PVALB: variants seen among roughly 807,000 people sequenced by gnomAD.
The protein encoded by PVALB is parvalbumin alpha.
Under a neutral mutation model 10.9 loss-of-function variants are expected in PVALB, and 11 were observed. That is an observed-to-expected ratio of 1.01 (90% CI 0.63 to 1.67). PVALB has a LOEUF of 1.67. PVALB is among the 40% of genes most tolerant of loss of function. The pLI is 0.00. For missense variants in PVALB, 131 were observed against 136.2 expected (o/e 0.96, Z 0.19); for synonymous variants, 57 against 50.7 (o/e 1.12, Z -0.53).
chr22:36,808,881 A>T (rs1939004165), intron 3 of PVALB, among the ~76,000 whole-genome samples: 2 of 152,144 alleles, frequency 1.3e-5, no homozygotes. Flanking sequence ...TTCAGCCTTA[A>T]GCCCTCCCCA....
chr22:36,815,705 A>G (rs1236131955), intron 1 of PVALB, among the ~76,000 whole-genome samples: 1 of 152,162 alleles, frequency 6.6e-6, no homozygotes, highest in Admixed American at 6.5e-5. Flanking sequence ...AAATTGACAT[A>G]GAAAGGACAG....
chr22:36,815,464 G>A, intron 1 of PVALB: 1 of 563,046 alleles, frequency 1.8e-6, no homozygotes, highest in Non-Finnish European at 3.1e-6. Context: ...AGACCTCCCT[G>A]GCTCTCAAGC....
At chr22:36,803,605 G>T (rs80142403) in intron 3 of PVALB, among the ~76,000 whole-genome samples, 1 of 150,796 alleles carries the variant, frequency 6.6e-6, no homozygotes. Flanking sequence ...TGGATGGAGG[G>T]ATGAGGAATG....
rs1276168803 is a variant in PVALB at position 36,800,887 on chromosome 22, T to A, written c.*3A>T. ...GTGGAAGACCAGGGGCAGTCAGTGCTTCTTAGCTTTCAGCCACCAGAGTGG... is the reference window on the plus strand; with the variant it reads ...GTGGAAGACCAGGGGCAGTCAGTGCATCTTAGCTTTCAGCCACCAGAGTGG... On this transcript the variant is annotated 3_prime_UTR_variant, in exon 4 of 4. Transcript: ENST00000417718. 2 of 1,610,340 alleles carry A rather than the reference T, an allele frequency of 1.2e-6. No homozygotes were observed. The highest frequency in any genetic ancestry group is 2.7e-5 in the African/African-American group (2 of 74,846).
upstream of PVALB, among the ~76,000 whole-genome samples, chr22:36,818,009 C>T (rs955007299): frequency 1.1e-4 from 16 of 152,252 alleles, no homozygotes; most frequent in African/African-American, 3.6e-4. Context: ...GTCACGGTGC[C>T]TATCTGTATG....
chr22:36,805,445 A>G (rs1938934724), intron 3 of PVALB, among the ~76,000 whole-genome samples: 1 of 152,248 alleles, frequency 6.6e-6, no homozygotes, highest in Non-Finnish European at 1.5e-5. Context: ...GCCCGGCAGA[A>G]GCAGGAGGCT....
At chr22:36,805,352 T>A (rs1938933117) in intron 3 of PVALB, among the ~76,000 whole-genome samples, 1 of 152,190 alleles carries the variant, frequency 6.6e-6, no homozygotes, top group African/African-American at 2.4e-5. Flanking sequence ...CATAGCAAGC[T>A]CTCGGTATCT....
intron 3 of PVALB, among the ~76,000 whole-genome samples, chr22:36,802,108 C>A (rs1938874258): frequency 1.3e-5 from 2 of 152,142 alleles, no homozygotes; most frequent in East Asian, 1.9e-4. Context: ...AAATGTAAAA[C>A]CCCACCTATC....
intron 3 of PVALB, among the ~76,000 whole-genome samples, chr22:36,808,095 C>T (rs1266890996): frequency 3.3e-5 from 5 of 152,324 alleles, no homozygotes; most frequent in South Asian, 2.1e-4. Context: ...CGTGTGCACA[C>T]GGGGCATGCG....
At chr22:36,810,903 CT>C (rs1416193502) in intron 3 of PVALB, among the ~76,000 whole-genome samples, 4 of 152,240 alleles carry the variant, frequency 2.6e-5, no homozygotes, top group Admixed American at 2.6e-4. Flanking sequence ...TGCCTGATGC[CT>C]GCGCCTCTGC....
chr22:36,811,516 CT>C, intron 3 of PVALB: 1 of 467,166 alleles, frequency 2.1e-6, no homozygotes, highest in South Asian at 1.6e-5. Flanking sequence ...CAGTCAACAT[CT>C]GCTGGATCTG....
chr22:36,817,080 G>A, upstream of PVALB: 1 of 1,424,262 alleles, frequency 7.0e-7, no homozygotes. Flanking sequence ...CTGCTCATAT[G>A]ACCAGCGCTG....
intron 3 of PVALB, 73 bp from the exon 4 acceptor site, chr22:36,800,991 G>T: frequency 6.8e-7 from 1 of 1,478,646 alleles, no homozygotes; most frequent in Non-Finnish European, 9.4e-7. Context: ...CCTGACTGCG[G>T]GGCCCTGGGT....
At position 36,815,158 on chromosome 22, in the gene PVALB, C is replaced by T; in HGVS notation, c.139G>A (p.Val47Met). The stretch of plus-strand genomic sequence containing the variant: ...TTGTCCTTGTCCAGCATGTGAAACA[C>T]CTTCTTCACATCATCCGCACTCTTT... ...KKKSADDVKK[V>M]FHMLDKDKSG... Residue 47 changes from valine (V) to methionine (M), a missense_variant, in exon 2 of 4, where the codon GTG becomes ATG. Val to Met is a conservative substitution (Grantham distance 21). Coordinates refer to ENST00000417718, the MANE Select transcript of PVALB (RefSeq NM_001315532.2). The T allele has an allele frequency of 1.2e-6, 2 of 1,614,146 alleles. No homozygotes were observed. Among genetic ancestry groups the T allele is most frequent in the Non-Finnish European group, 1.7e-6 (2 of 1,180,006 alleles).
At chr22:36,805,464 T>C (rs1938934959) in intron 3 of PVALB, among the ~76,000 whole-genome samples, 1 of 152,150 alleles carries the variant, frequency 6.6e-6, no homozygotes, top group Admixed American at 6.5e-5. Context: ...CTCTAAATGG[T>C]ATTGTAACTG....
At chr22:36,817,141 G>T, upstream of PVALB, 1 of 734,764 alleles carries the variant, frequency 1.4e-6, no homozygotes, top group Non-Finnish European at 2.0e-6. Context: ...GGCGCCAGGG[G>T]CCCGGACTCT....
intron 3 of PVALB, among the ~76,000 whole-genome samples, chr22:36,810,846 C>T (rs1939034494): frequency 6.6e-6 from 1 of 152,254 alleles, no homozygotes; most frequent in South Asian, 2.1e-4. Flanking sequence ...GACCCCACTC[C>T]CTCTGTCCCC....
chr22:36,806,308 G>A (rs1162800215), intron 3 of PVALB, among the ~76,000 whole-genome samples: 1 of 152,162 alleles, frequency 6.6e-6, no homozygotes. Flanking sequence ...GGAGGTAGAT[G>A]GTAGGGATGG....
intron 3 of PVALB, among the ~76,000 whole-genome samples, chr22:36,801,982 T>C (rs545813838): frequency 6.6e-6 from 1 of 152,216 alleles, no homozygotes; most frequent in African/African-American, 2.4e-5. Flanking sequence ...CCAGTAATAA[T>C]TGCTTGGGTG....
Sources: gnomAD v4.1 joint callset for allele counts (sites outside exome capture counted in the v4.1 genomes callset) on GRCh38, gnomAD v4.1.1 for gene constraint, MANE v1.5 for transcripts, NCBI Gene and HGNC (gene_info 2026-07-23, HGNC 2026-07-21) for gene names.